The following PTPRD variants were observed in gnomAD, a reference collection of about 807,000 sequenced individuals.
PTPRD encodes the protein receptor-type tyrosine-protein phosphatase delta.
In PTPRD, 34 loss-of-function variants were observed where a neutral mutation model predicts 214.5. The observed-to-expected ratio is 0.16, with a 90% confidence interval of 0.12 to 0.21. PTPRD has a LOEUF of 0.21. Ranked by LOEUF, PTPRD falls within the 10% of genes least tolerant of loss-of-function variation. The probability of loss-of-function intolerance (pLI) is 1.00; values close to 1 mark genes in which losing one functional copy is unlikely to be tolerated. For missense variants in PTPRD, 2,545 were observed against 2,398.7 expected, an observed-to-expected ratio of 1.06 and a Z score of -1.27; for synonymous variants, 1,128 against 845.7, an observed-to-expected ratio of 1.33 and a Z score of -5.79.
chr9:9,389,780 C>T (rs549289941), intron 9 of PTPRD, among the ~76,000 whole-genome samples: 78 of 152,226 alleles, frequency 5.1e-4, no homozygotes, highest in African/African-American at 1.8e-3. Flanking sequence ...ATTTGACTGT[C>T]CATTTGTGCA....
At chr9:9,088,235 A>G (rs1404422047) in intron 10 of PTPRD, among the ~76,000 whole-genome samples, 1 of 151,816 alleles carries the variant, frequency 6.6e-6, no homozygotes, top group African/African-American at 2.4e-5. Context: ...AACCTGCCAG[A>G]AAAGAAAGTT....
chr9:8,610,014 G>A (rs996005013), intron 14 of PTPRD, among the ~76,000 whole-genome samples: 5 of 152,140 alleles, frequency 3.3e-5, no homozygotes, highest in Admixed American at 2.0e-4. Flanking sequence ...TAAAGTGGGA[G>A]AACTAATTTT....
chr9:8,996,901 G>C (rs1323935278), intron 11 of PTPRD, among the ~76,000 whole-genome samples: 1 of 151,988 alleles, frequency 6.6e-6, no homozygotes, highest in African/African-American at 2.4e-5. Context: ...TCTATATCTT[G>C]ATTGTGATAT....
chr9:10,372,957 T>G (rs1209949056), intron 2 of PTPRD, among the ~76,000 whole-genome samples: 5 of 151,316 alleles, frequency 3.3e-5, no homozygotes, highest in African/African-American at 1.2e-4. Context: ...CTCAACCTCC[T>G]GAGTAGCTTG....
At chr9:10,045,734 G>T (rs1264000335) in intron 3 of PTPRD, among the ~76,000 whole-genome samples, 3 of 151,538 alleles carry the variant, frequency 2.0e-5, no homozygotes, top group African/African-American at 7.3e-5. Context: ...ATATAAAGAT[G>T]ACTACCTCAG....
At chr9:10,168,670 G>T (rs1593000317) in intron 3 of PTPRD, among the ~76,000 whole-genome samples, 2 of 152,064 alleles carry the variant, frequency 1.3e-5, no homozygotes, top group East Asian at 1.9e-4. Context: ...AGCCAAAAAA[G>T]TATTTATTAA....
chr9:10,303,109 A>C (rs543557953), intron 3 of PTPRD, among the ~76,000 whole-genome samples: 1 of 152,302 alleles, frequency 6.6e-6, no homozygotes, highest in South Asian at 2.1e-4. Flanking sequence ...TAATAAACTC[A>C]CTCAAAACTG....
chr9:9,225,698 C>G (rs2099959004), intron 9 of PTPRD, among the ~76,000 whole-genome samples: 1 of 151,940 alleles, frequency 6.6e-6, no homozygotes, highest in African/African-American at 2.4e-5. Flanking sequence ...GGCCTTTGAA[C>G]AGTTTCACAA....
intron 11 of PTPRD, among the ~76,000 whole-genome samples, chr9:8,897,759 G>C (rs780852466): frequency 2.0e-5 from 3 of 152,170 alleles, no homozygotes; most frequent in Non-Finnish European, 4.4e-5. Context: ...CACACAGCTG[G>C]AAAGAATGCT....
intron 44 of PTPRD, 142 bp downstream of exon 44, chr9:8,331,440 A>G (rs112077746): frequency 1.9e-5 from 19 of 979,472 alleles, no homozygotes; most frequent in African/African-American, 1.9e-4. Context: ...ATGAAAAGAA[A>G]GAGAAATCAA....
intron 4 of PTPRD, among the ~76,000 whole-genome samples, chr9:10,032,095 A>G (rs956397645): frequency 6.6e-6 from 1 of 152,186 alleles, no homozygotes; most frequent in Non-Finnish European, 1.5e-5. Context: ...TGGAAGGAGT[A>G]GGAATGGGAA....
intron 11 of PTPRD, among the ~76,000 whole-genome samples, chr9:8,787,282 T>TCAGCTTCTAGTTACTCTACTTGAGCAA (rs1484378694): frequency 7.2e-5 from 11 of 152,242 alleles, no homozygotes; most frequent in Non-Finnish European, 1.5e-4. Flanking sequence ...CTAGCTTTAC[T>TCAGCTTCTAGTTACTCTACTTGAGCAA]CAGCTTCTAG....
intron 6 of PTPRD, among the ~76,000 whole-genome samples, 162 bp downstream of exon 6, chr9:9,766,648 A>T (rs2098709175): frequency 6.6e-6 from 1 of 152,138 alleles, no homozygotes; most frequent in Non-Finnish European, 1.5e-5. Context: ...GATAGCCAGA[A>T]TTCTAATTCT....
At chr9:10,297,141 T>A (rs867800759) in intron 3 of PTPRD, among the ~76,000 whole-genome samples, 1 of 148,284 alleles carries the variant, frequency 6.7e-6, no homozygotes, top group Non-Finnish European at 1.5e-5. Context: ...TATATTTTTA[T>A]TATACTTTAA....
At chr9:9,799,534 T>C (rs936423880) in intron 5 of PTPRD, 2 of 152,208 alleles carry the variant, frequency 1.3e-5, no homozygotes, top group African/African-American at 4.8e-5. Flanking sequence ...CTGTGTTTCC[T>C]TGGGGGCAGA....
Position 9,630,306 on chromosome 9 carries a change from G to C in PTPRD, c.-286-55525C>G, listed in dbSNP as rs1196818854. 2.6e-5 allele frequency among the ~76,000 whole-genome samples: 4 copies of C among 152,106 alleles called. No individual in the cohort carries two copies. In the East Asian group the frequency reaches 7.7e-4, roughly 29 times the overall value. On this transcript the variant is annotated intron_variant, in intron 7 of 45. Coordinates refer to ENST00000381196, the MANE Select transcript of PTPRD (RefSeq NM_002839.4). ...TTTTATATAGCAAAGAAAAAGAATT[G>C]ATCTTTTCCAGTTACCTAAGAAGAG...
intron 7 of PTPRD, among the ~76,000 whole-genome samples, chr9:9,646,975 T>A (rs746010668): frequency 2.6e-5 from 4 of 152,192 alleles, no homozygotes; most frequent in Non-Finnish European, 5.9e-5. Context: ...GGGGCTCATA[T>A]AGAGTATATA....
At chr9:10,314,328 A>C (rs1332004071) in intron 3 of PTPRD, among the ~76,000 whole-genome samples, 1 of 151,958 alleles carries the variant, frequency 6.6e-6, no homozygotes, top group Non-Finnish European at 1.5e-5. Flanking sequence ...TTTTAGAAAC[A>C]GAATCAAAGG....
chr9:8,529,384 T>G (rs1163425721), intron 14 of PTPRD, among the ~76,000 whole-genome samples: 1 of 152,096 alleles, frequency 6.6e-6, no homozygotes, highest in Non-Finnish European at 1.5e-5. Context: ...TTGTAAGAGC[T>G]TCAATTAACC....
Sources: gnomAD v4.1 joint callset for allele counts (sites outside exome capture counted in the v4.1 genomes callset) on GRCh38, gnomAD v4.1.1 for gene constraint, MANE v1.5 for transcripts, NCBI Gene and HGNC (gene_info 2026-07-23, HGNC 2026-07-21) for gene names.